Variants in LRMDA observed in about 807,000 individuals in gnomAD.
The protein encoded by LRMDA is leucine rich melanocyte differentiation associated, also known as leucine-rich melanocyte differentiation-associated protein.
In LRMDA, 18 loss-of-function variants were observed where a neutral mutation model predicts 29.8. The observed-to-expected ratio is 0.60, with a 90% CI of 0.42 to 0.90. The LOEUF (loss-of-function observed/expected upper bound fraction) is 0.90, where lower values mean the gene tolerates loss of function less well. Ranked by LOEUF, LRMDA falls within the 40% of genes least tolerant of loss-of-function variation. The probability of loss-of-function intolerance (pLI) is 0.00; values close to 1 mark genes in which losing one functional copy is unlikely to be tolerated. For synonymous variants in LRMDA, 125 were observed against 109.4 expected, an observed-to-expected ratio of 1.14 and a Z score of -0.89; for missense variants, 273 against 273.9, an observed-to-expected ratio of 1.00 and a Z score of 0.02.
intron 2 of LRMDA, among the ~76,000 whole-genome samples, chr10:75,948,879 A>T (rs915145414): frequency 1.3e-5 from 2 of 151,990 alleles, no homozygotes; most frequent in African/African-American, 4.8e-5. Context: ...TTTAGCTTTG[A>T]CAGGAAGATA....
intron 2 of LRMDA, among the ~76,000 whole-genome samples, chr10:75,925,796 G>T (rs1458210134): frequency 2.0e-5 from 3 of 152,016 alleles, no homozygotes; most frequent in Non-Finnish European, 4.4e-5. Flanking sequence ...GGGATTACGG[G>T]TGCCTGCCAG....
At chr10:75,983,442 G>A (rs912748378) in intron 2 of LRMDA, among the ~76,000 whole-genome samples, 2 of 152,094 alleles carry the variant, frequency 1.3e-5, no homozygotes, top group Admixed American at 6.5e-5. Flanking sequence ...TGATTCTGAC[G>A]ATGATGATGG....
intron 2 of LRMDA, among the ~76,000 whole-genome samples, chr10:75,874,883 C>T (rs1280053179): frequency 1.3e-5 from 2 of 152,248 alleles, no homozygotes; most frequent in Admixed American, 6.5e-5. Flanking sequence ...ACTTAAGTTA[C>T]ATTTTGGCTT....
At chr10:76,105,353 T>G (rs1265749352) in intron 5 of LRMDA, among the ~76,000 whole-genome samples, 1 of 151,860 alleles carries the variant, frequency 6.6e-6, no homozygotes, top group Non-Finnish European at 1.5e-5. Flanking sequence ...CTGTGATAGG[T>G]TGAAGAGTGC....
chr10:75,456,889 C>T (rs1029991362), intron 2 of LRMDA, among the ~76,000 whole-genome samples: 11 of 152,024 alleles, frequency 7.2e-5, no homozygotes, highest in African/African-American at 2.2e-4. Context: ...TTGGCCAGGC[C>T]GGTCTCGAAT....
chr10:75,550,684 G>A (rs1403790579), intron 2 of LRMDA, among the ~76,000 whole-genome samples: 2 of 151,958 alleles, frequency 1.3e-5, no homozygotes, highest in Non-Finnish European at 2.9e-5. Flanking sequence ...TTGGTTTTGA[G>A]TCTACCATTT....
chr10:76,381,324 A>G (rs979068400), intron 6 of LRMDA, among the ~76,000 whole-genome samples: 3 of 152,062 alleles, frequency 2.0e-5, no homozygotes, highest in Non-Finnish European at 2.9e-5. Flanking sequence ...TTTATTTGAT[A>G]TTTGGTATCT....
At chr10:76,451,240 C>T (rs1446267199) in intron 6 of LRMDA, among the ~76,000 whole-genome samples, 2 of 150,962 alleles carry the variant, frequency 1.3e-5, no homozygotes, top group African/African-American at 2.4e-5. Context: ...CTCGCTCTAT[C>T]GCCCAGGCTG....
intron 2 of LRMDA, among the ~76,000 whole-genome samples, chr10:75,713,637 T>C (rs1389988969): frequency 6.6e-6 from 1 of 152,236 alleles, no homozygotes; most frequent in Non-Finnish European, 1.5e-5. Context: ...GTGTGGTGGT[T>C]TCAAAATGAG....
intron 6 of LRMDA, among the ~76,000 whole-genome samples, chr10:76,405,359 T>G (rs1841891751): frequency 6.6e-6 from 1 of 152,170 alleles, no homozygotes; most frequent in Non-Finnish European, 1.5e-5. Context: ...CGTCACTAGG[T>G]GCAATAAACG....
intron 6 of LRMDA, among the ~76,000 whole-genome samples, chr10:76,524,124 C>T (rs1026640588): frequency 2.0e-5 from 3 of 152,210 alleles, no homozygotes; most frequent in African/African-American, 7.2e-5. Flanking sequence ...TCAGAGGGAA[C>T]CGGGAGGTTT....
At chr10:75,713,517 A>G (rs1314252221) in intron 2 of LRMDA, among the ~76,000 whole-genome samples, 1 of 152,250 alleles carries the variant, frequency 6.6e-6, no homozygotes, top group Non-Finnish European at 1.5e-5. Flanking sequence ...TTGAATAAGA[A>G]TTAGTGTTTT....
In LRMDA at chr10:76,185,578, T is replaced by C. The variant is rs77229023; in HGVS notation, c.516+126795T>C. On this transcript the variant is annotated intron_variant, in intron 5 of 6. Transcript: ENST00000611255. ...AAACATTTTCCCAAGTCCTCCCCTA[T>C]CTTCTATCAGCCATAGTGAATCCCT... 6.0e-3 allele frequency among the ~76,000 whole-genome samples: 909 copies of C among 152,268 alleles called. 9 individuals carry two copies. The highest frequency in any genetic ancestry group is 0.018 in the African/African-American group (758 of 41,554).
At chr10:75,509,486 C>T (rs1477623749) in intron 2 of LRMDA, among the ~76,000 whole-genome samples, 1 of 152,054 alleles carries the variant, frequency 6.6e-6, no homozygotes, top group Non-Finnish European at 1.5e-5. Context: ...GACTGTGGCT[C>T]TCTGAGAGTT....
intron 5 of LRMDA, among the ~76,000 whole-genome samples, chr10:76,267,584 T>C (rs1840022373): frequency 6.6e-6 from 1 of 152,224 alleles, no homozygotes; most frequent in African/African-American, 2.4e-5. Flanking sequence ...TGTCCTTTTA[T>C]GCCTAGCTTA....
intron 5 of LRMDA, among the ~76,000 whole-genome samples, chr10:76,299,726 A>G (rs1404774331): frequency 6.6e-6 from 1 of 151,942 alleles, no homozygotes; most frequent in Non-Finnish European, 1.5e-5. Context: ...GGTTGGAGGA[A>G]TCTTCGCAAT....
chr10:75,736,308 T>C (rs1365205855), intron 2 of LRMDA, among the ~76,000 whole-genome samples: 1 of 152,196 alleles, frequency 6.6e-6, no homozygotes, highest in Non-Finnish European at 1.5e-5. Flanking sequence ...CTTTTTGAAA[T>C]TGCAGATAAT....
intron 2 of LRMDA, among the ~76,000 whole-genome samples, chr10:75,773,921 T>A (rs1334327781): frequency 6.6e-6 from 1 of 152,258 alleles, no homozygotes; most frequent in African/African-American, 2.4e-5. Context: ...CTTGTGTGTT[T>A]CTCATGTCCT....
intron 2 of LRMDA, among the ~76,000 whole-genome samples, chr10:75,960,160 G>C (rs1157409326): frequency 6.6e-6 from 1 of 152,158 alleles, no homozygotes; most frequent in Non-Finnish European, 1.5e-5. Context: ...TCTTAGCTAT[G>C]TGAGTGGCTA....
Sources: allele counts gnomAD v4.1 joint callset (sites outside exome capture counted in the v4.1 genomes callset), GRCh38; gene constraint gnomAD v4.1.1; transcripts MANE v1.5; gene names NCBI Gene and HGNC (gene_info 2026-07-23, HGNC 2026-07-21).